CTNNA1: variants seen among roughly 807,000 people sequenced by gnomAD.
CTNNA1 encodes the protein catenin alpha 1.
Under a neutral mutation model 98.4 loss-of-function variants are expected in CTNNA1, and 37 were observed. That is an observed-to-expected ratio of 0.38 (90% CI 0.29 to 0.49). The LOEUF (loss-of-function observed/expected upper bound fraction) is 0.49, where lower values mean the gene tolerates loss of function less well. Ranked by LOEUF, CTNNA1 falls within the 20% of genes least tolerant of loss-of-function variation. CTNNA1 has a pLI of 0.95. For synonymous variants in CTNNA1, 404 were observed against 413.2 expected (o/e 0.98, Z 0.27); for missense variants, 761 against 1,147.2 (o/e 0.66, Z 4.86).
At chr5:138,932,007 C>A in intron 16 of CTNNA1, 1 of 985,570 alleles carries the variant, frequency 1.0e-6, no homozygotes, top group South Asian at 4.7e-5. Flanking sequence ...CAGGGGCCAC[C>A]CTTTTCTCTT....
intron 10 of CTNNA1, among the ~76,000 whole-genome samples, chr5:138,909,798 C>CTG (rs1760142998): frequency 6.6e-6 from 1 of 152,106 alleles, no homozygotes; most frequent in South Asian, 2.1e-4. Flanking sequence ...ATGCTTGACA[C>CTG]ACATCAAATA....
At chr5:138,803,362 C>T (rs958890821) in intron 3 of CTNNA1, among the ~76,000 whole-genome samples, 4 of 152,098 alleles carry the variant, frequency 2.6e-5, no homozygotes, top group Non-Finnish European at 4.4e-5. Context: ...CACAATGTTA[C>T]GTAGGCTGGT....
At chr5:138,788,153 C>T (rs902690198) in intron 3 of CTNNA1, among the ~76,000 whole-genome samples, 18 of 152,104 alleles carry the variant, frequency 1.2e-4, no homozygotes, top group African/African-American at 3.4e-4. Flanking sequence ...TTTGTCTTAG[C>T]GCTTATCACA....
At chr5:138,920,211 C>G (rs1762631359) in intron 11 of CTNNA1, among the ~76,000 whole-genome samples, 1 of 152,136 alleles carries the variant, frequency 6.6e-6, no homozygotes, top group South Asian at 2.1e-4. Flanking sequence ...AACTCCTGAC[C>G]TCAGGTGATC....
intron 9 of CTNNA1, among the ~76,000 whole-genome samples, chr5:138,901,028 C>T (rs1373491728): frequency 6.6e-6 from 1 of 152,114 alleles, no homozygotes; most frequent in Non-Finnish European, 1.5e-5. Context: ...AATTTATTCT[C>T]CTAACAAATC....
At chr5:138,827,217 G>T (rs1760814201) in intron 6 of CTNNA1, among the ~76,000 whole-genome samples, 1 of 152,040 alleles carries the variant, frequency 6.6e-6, no homozygotes, top group Non-Finnish European at 1.5e-5. Flanking sequence ...GTCTTATACG[G>T]GTTTACCTTT....
intron 11 of CTNNA1, among the ~76,000 whole-genome samples, chr5:138,920,957 G>A (rs1459197947): frequency 6.6e-6 from 1 of 152,082 alleles, no homozygotes; most frequent in African/African-American, 2.4e-5. Flanking sequence ...GCTGTAGGGC[G>A]GGGGGAACTT....
rs117101560 is a variant in CTNNA1 at position 138,878,381 on chromosome 5, T to C, written c.1063-7831T>C. Reference sequence around the variant, plus strand: ...TTTAGCTAAAAGGGCTACATATCTATTTTTCTAAACTTTCTCTTGGTTTTG... The same window carrying C: ...TTTAGCTAAAAGGGCTACATATCTACTTTTCTAAACTTTCTCTTGGTTTTG... On this transcript the variant is annotated intron_variant, in intron 7 of 17. Coordinates refer to ENST00000302763, the MANE Select transcript of CTNNA1 (RefSeq NM_001903.5). Among the ~76,000 whole-genome samples the C allele has an allele frequency of 1.5e-3, 236 of 152,354 alleles. 8 individuals are homozygous for C. The East Asian group carries it at 0.036, about 23-fold the overall frequency.
intron 7 of CTNNA1, among the ~76,000 whole-genome samples, chr5:138,839,134 A>T (rs534278605): frequency 1.3e-5 from 2 of 152,290 alleles, no homozygotes; most frequent in East Asian, 1.9e-4. Context: ...AATTTTTTTT[A>T]AATTTGTTAA....
At chr5:138,902,574 C>T (rs933014092) in intron 9 of CTNNA1, among the ~76,000 whole-genome samples, 1 of 152,218 alleles carries the variant, frequency 6.6e-6, no homozygotes, top group Non-Finnish European at 1.5e-5. Flanking sequence ...CGCCTGCCAC[C>T]ACGCCCGGCT....
At chr5:138,784,110 C>T (rs1457811576) in intron 3 of CTNNA1, among the ~76,000 whole-genome samples, 1 of 152,200 alleles carries the variant, frequency 6.6e-6, no homozygotes, top group African/African-American at 2.4e-5. Flanking sequence ...TCACTAGTTG[C>T]CCAGGCTGGT....
At chr5:138,848,329 G>A (rs1762905714) in intron 7 of CTNNA1, among the ~76,000 whole-genome samples, 1 of 152,210 alleles carries the variant, frequency 6.6e-6, no homozygotes, top group South Asian at 2.1e-4. Context: ...TAATACTAGT[G>A]TTACTATTAA....
At chr5:138,848,753 C>G (rs528851411) in intron 7 of CTNNA1, among the ~76,000 whole-genome samples, 15 of 152,116 alleles carry the variant, frequency 9.9e-5, no homozygotes, top group Admixed American at 8.5e-4. Context: ...GAGATAGAGT[C>G]TCTCTCTGTC....
chr5:138,781,898 GAC>G, intron 1 of CTNNA1, 23 bp from the exon 2 acceptor site: 1 of 1,565,178 alleles, frequency 6.4e-7, no homozygotes, highest in East Asian at 2.3e-5. Context: ...ATGTTTGCCT[GAC>G]TGACTTTTTG....
At chr5:138,763,020 T>C (rs1442275341) in intron 1 of CTNNA1, among the ~76,000 whole-genome samples, 1 of 152,224 alleles carries the variant, frequency 6.6e-6, no homozygotes, top group Non-Finnish European at 1.5e-5. Flanking sequence ...TCCTTCATTT[T>C]CTTGTTTTGA....
At chr5:138,796,331 C>T (rs1158443001) in intron 3 of CTNNA1, among the ~76,000 whole-genome samples, 1 of 152,090 alleles carries the variant, frequency 6.6e-6, no homozygotes, top group African/African-American at 2.4e-5. Context: ...CCAAGGCAGG[C>T]GGATAATGAG....
rs1374614624 is a variant in CTNNA1, at chr5:138,783,436, A to G, written c.301+64A>G. On this transcript the variant is annotated intron_variant, in intron 3 of 17. Coordinates refer to ENST00000302763, the MANE Select transcript of CTNNA1 (RefSeq NM_001903.5). ...CTTTCTAGAAAATCAGTGTTTGAAG[A>G]TTTTTTTTGTGGTCAGTATTCTCAT... 1.3e-5 allele frequency: 18 copies of G among 1,437,340 alleles called. No homozygotes were observed. In the East Asian group the frequency reaches 4.1e-4, roughly 33 times the overall value. The allele number at this position is 1,437,340 out of a possible 1,614,324, so 89.0% of individuals were successfully genotyped here.
At chr5:138,796,953 A>G (rs1050763341) in intron 3 of CTNNA1, among the ~76,000 whole-genome samples, 14 of 124,686 alleles carry the variant, frequency 1.1e-4, no homozygotes, top group Non-Finnish European at 2.1e-4. Flanking sequence ...TCTTCCCTGC[A>G]GCAACTCTAC....
chr5:138,823,948 C>T (rs1214347232), intron 5 of CTNNA1, among the ~76,000 whole-genome samples: 3 of 59,718 alleles, frequency 5.0e-5, no homozygotes, highest in African/African-American at 5.4e-5. Flanking sequence ...CAGAGCGAGA[C>T]TCCGTCTCAA....
Sources: allele counts gnomAD v4.1 joint callset (sites outside exome capture counted in the v4.1 genomes callset), GRCh38; gene constraint gnomAD v4.1.1; transcripts MANE v1.5; gene names NCBI Gene and HGNC (gene_info 2026-07-23, HGNC 2026-07-21).